Variants in GRM7 observed in about 807,000 individuals in gnomAD.
The protein encoded by GRM7 is metabotropic glutamate receptor 7.
A neutral mutation model predicts 84.5 loss-of-function variants in GRM7; 35 were observed. That is an observed-to-expected ratio of 0.41 (90% CI 0.32 to 0.55). The LOEUF (loss-of-function observed/expected upper bound fraction) is 0.55, where lower values mean the gene tolerates loss of function less well. Ranked by LOEUF, GRM7 falls within the 20% of genes least tolerant of loss-of-function variation. The pLI, the probability that GRM7 is intolerant of heterozygous loss-of-function variation, is 0.19. For missense variants in GRM7, 1,003 were observed against 1,194.6 expected (o/e 0.84, Z 2.36); for synonymous variants, 487 against 455.1 (o/e 1.07, Z -0.89).
intron 1 of GRM7, among the ~76,000 whole-genome samples, chr3:6,946,453 G>T (rs2125063294): frequency 6.6e-6 from 1 of 152,254 alleles, no homozygotes; most frequent in East Asian, 1.9e-4. Context: ...TGCTGTTTTG[G>T]TTACTGTAGC....
At chr3:7,710,097 ATAT>A (rs1461496549) in intron 9 of GRM7, among the ~76,000 whole-genome samples, 1 of 152,058 alleles carries the variant, frequency 6.6e-6, no homozygotes, top group Non-Finnish European at 1.5e-5. Flanking sequence ...ATGTGTGTAT[ATAT>A]TATTATATAT....
chr3:7,402,527 C>T (rs1695494684), intron 4 of GRM7, among the ~76,000 whole-genome samples: 2 of 152,120 alleles, frequency 1.3e-5, no homozygotes, highest in Non-Finnish European at 2.9e-5. Context: ...TTTTACACTT[C>T]TGCACATATG....
chr3:7,554,178 T>C (rs1575487655), intron 7 of GRM7, among the ~76,000 whole-genome samples: 2 of 152,250 alleles, frequency 1.3e-5, no homozygotes, highest in East Asian at 1.9e-4. Context: ...GAGAAGAATA[T>C]ATACAGTCCT....
chr3:7,192,002 G>T (rs964820739), intron 2 of GRM7, among the ~76,000 whole-genome samples: 24 of 151,908 alleles, frequency 1.6e-4, no homozygotes, highest in African/African-American at 5.8e-4. Flanking sequence ...ATATACCCAG[G>T]CCTCTTGTGA....
At chr3:7,567,095 TG>T (rs1694316668) in intron 7 of GRM7, among the ~76,000 whole-genome samples, 1 of 152,128 alleles carries the variant, frequency 6.6e-6, no homozygotes, top group Non-Finnish European at 1.5e-5. Context: ...TTGTTTGGGG[TG>T]GGGAAAAATG....
chr3:7,712,146 G>T (rs332935), intron 9 of GRM7, among the ~76,000 whole-genome samples: 86,815 of 152,066 alleles, frequency 0.57, 27,433 homozygotes, highest in East Asian at 0.94. Flanking sequence ...CCAGACAGAA[G>T]GGACCCAGCT....
chr3:7,570,196 C>A (rs1282835068), intron 7 of GRM7, among the ~76,000 whole-genome samples: 1 of 152,136 alleles, frequency 6.6e-6, no homozygotes, highest in African/African-American at 2.4e-5. Context: ...CATTCCACCC[C>A]TGGCCCCTCC....
chr3:7,186,136 G>A (rs1459118169), intron 2 of GRM7, among the ~76,000 whole-genome samples: 2 of 152,192 alleles, frequency 1.3e-5, no homozygotes, highest in African/African-American at 4.8e-5. Context: ...TGAGCTGACT[G>A]TGTAAACACT....
chr3:7,256,259 C>A (rs1698195330), intron 2 of GRM7, among the ~76,000 whole-genome samples: 1 of 152,188 alleles, frequency 6.6e-6, no homozygotes, highest in Non-Finnish European at 1.5e-5. Flanking sequence ...GTTTCCCCTA[C>A]TTGAAGGAAA....
chr3:6,957,754 A>C (rs943354248), intron 1 of GRM7, among the ~76,000 whole-genome samples: 1 of 152,188 alleles, frequency 6.6e-6, no homozygotes, highest in African/African-American at 2.4e-5. Context: ...TCAATGTTTC[A>C]TCCATTCATT....
At chr3:7,460,409 A>G (rs1698198314) in intron 6 of GRM7, among the ~76,000 whole-genome samples, 1 of 151,756 alleles carries the variant, frequency 6.6e-6, no homozygotes, top group African/African-American at 2.4e-5. Flanking sequence ...TTTATTTTCC[A>G]AACAGCAAGC....
chr3:7,506,960 T>C (rs2124972141), intron 7 of GRM7, among the ~76,000 whole-genome samples: 1 of 152,318 alleles, frequency 6.6e-6, no homozygotes, highest in South Asian at 2.1e-4. Context: ...CTCTCACACC[T>C]ACCATCTTTT....
chr3:7,179,669 C>T (rs112967814), intron 2 of GRM7, among the ~76,000 whole-genome samples: 26 of 152,306 alleles, frequency 1.7e-4, no homozygotes, highest in African/African-American at 5.5e-4. Flanking sequence ...TGTAACTTGC[C>T]TCCTACTTGA....
At chr3:7,158,266 C>T (rs1460464910) in intron 2 of GRM7, among the ~76,000 whole-genome samples, 1 of 152,064 alleles carries the variant, frequency 6.6e-6, no homozygotes, top group Non-Finnish European at 1.5e-5. Flanking sequence ...AGATTGAAGA[C>T]CTCTGCTTTA....
chr3:6,998,404 G>T (rs1694901044), intron 1 of GRM7, among the ~76,000 whole-genome samples: 1 of 152,102 alleles, frequency 6.6e-6, no homozygotes, highest in African/African-American at 2.4e-5. Context: ...TGCTTTCATG[G>T]GCTGGTGTTG....
intron 1 of GRM7, among the ~76,000 whole-genome samples, chr3:6,895,186 T>G (rs1696130855): frequency 6.6e-6 from 1 of 152,146 alleles, no homozygotes; most frequent in South Asian, 2.1e-4. Context: ...AATGGAAGTC[T>G]AAAGAAAGAC....
chr3:7,645,288 C>T (rs547339752), intron 8 of GRM7, among the ~76,000 whole-genome samples: 44 of 152,148 alleles, frequency 2.9e-4, no homozygotes, highest in South Asian at 4.2e-4. Context: ...GTGGCTCACG[C>T]CTGTAATCCC....
chr3:7,368,938 C>T (rs990778374), intron 4 of GRM7, among the ~76,000 whole-genome samples: 4 of 151,960 alleles, frequency 2.6e-5, no homozygotes, highest in Non-Finnish European at 4.4e-5. Context: ...ACTCTAAATC[C>T]ACCTATTTGA....
At chr3:6,890,554 C>G (rs1202011821) in intron 1 of GRM7, among the ~76,000 whole-genome samples, 3 of 152,106 alleles carry the variant, frequency 2.0e-5, no homozygotes, top group Non-Finnish European at 4.4e-5. Flanking sequence ...GAGTGAGTTT[C>G]TTAATCCTGA....
Sources: gnomAD v4.1 joint callset for allele counts (sites outside exome capture counted in the v4.1 genomes callset) on GRCh38, gnomAD v4.1.1 for gene constraint, MANE v1.5 for transcripts, NCBI Gene and HGNC (gene_info 2026-07-23, HGNC 2026-07-21) for gene names.